AK5: variants seen among roughly 807,000 people sequenced by gnomAD.
The protein encoded by AK5 is adenylate kinase isoenzyme 5.
Under a neutral mutation model 69.5 loss-of-function variants are expected in AK5, and 27 were observed. The ratio of observed to expected loss-of-function variants is 0.39; its 90% CI spans 0.29 to 0.54. The LOEUF is 0.54. Among genes scored for constraint, AK5 ranks in the 20% least tolerant of loss-of-function variants. The pLI, the probability that AK5 is intolerant of heterozygous loss-of-function variation, is 0.71. For missense variants in AK5, 531 were observed against 700.4 expected (o/e 0.76, Z 2.73); for synonymous variants, 260 against 244.4 (o/e 1.06, Z -0.60).
chr1:77,550,107 G>A (rs556500318), intron 13 of AK5, among the ~76,000 whole-genome samples: 1 of 152,194 alleles, frequency 6.6e-6, no homozygotes, highest in South Asian at 2.1e-4. Context: ...CTACTGGCAT[G>A]TGCCTAGCTA....
rs1557615453 is a variant in AK5 at position 77,470,844 on chromosome 1, TATATATATATATATATATATA to T, written c.1060-12472_1060-12452del. Among the ~76,000 whole-genome samples the T allele has an allele frequency of 8.5e-3, 33 of 3,900 alleles. 2 individuals are homozygous for T. Among genetic ancestry groups the T allele is most frequent in the East Asian group, 0.083 (2 of 24 alleles). 2.6% of individuals were successfully genotyped at this position (3,900 alleles called of 152,430 possible). On this transcript the variant is annotated intron_variant, in intron 8 of 13. Coordinates refer to ENST00000354567, the MANE Select transcript of AK5 (RefSeq NM_174858.3). ...CATTTAGAATATATATATATATATA[TATATATATATATATATATATA>T]TATATATATATTTTTTTTTTTTTTT...
intron 5 of AK5, 129 bp downstream of exon 5, chr1:77,298,076 A>G (rs978593474): frequency 3.6e-5 from 21 of 590,216 alleles, no homozygotes; most frequent in African/African-American, 9.4e-5. Flanking sequence ...AGGCAAATAC[A>G]TCAGTATGGG....
intron 8 of AK5, among the ~76,000 whole-genome samples, chr1:77,473,246 G>A (rs1445687402): frequency 2.6e-5 from 4 of 151,188 alleles, no homozygotes; most frequent in African/African-American, 7.3e-5. Flanking sequence ...GTTTGAGACA[G>A]GGTCTCTGTT....
chr1:77,452,040 C>A (rs1204465066), intron 8 of AK5, among the ~76,000 whole-genome samples: 8 of 152,200 alleles, frequency 5.3e-5, no homozygotes. Flanking sequence ...TCTTTCGGTT[C>A]AGGGAAAATT....
At chr1:77,474,133 G>A (rs964753774) in intron 8 of AK5, among the ~76,000 whole-genome samples, 2 of 152,144 alleles carry the variant, frequency 1.3e-5, no homozygotes, top group Non-Finnish European at 2.9e-5. Context: ...ATCTTAACTA[G>A]CTTGGGCAAA....
chr1:77,423,041 T>C (rs943471572), intron 8 of AK5, among the ~76,000 whole-genome samples: 6 of 151,816 alleles, frequency 4.0e-5, no homozygotes, highest in African/African-American at 1.2e-4. Context: ...TGGTGAAACC[T>C]TGTCTCTACT....
intron 9 of AK5, among the ~76,000 whole-genome samples, chr1:77,485,737 T>C (rs1178728050): frequency 1.3e-5 from 2 of 152,232 alleles, no homozygotes; most frequent in Non-Finnish European, 2.9e-5. Context: ...TTCTTTGTGA[T>C]TCATGCTATT....
At chr1:77,403,454 A>G (rs1557564242) in intron 6 of AK5, among the ~76,000 whole-genome samples, 2 of 152,056 alleles carry the variant, frequency 1.3e-5, no homozygotes, top group Non-Finnish European at 2.9e-5. Context: ...TCTTTAATCC[A>G]TCTTGAATTA....
At chr1:77,313,490 G>A (rs920603249) in intron 5 of AK5, among the ~76,000 whole-genome samples, 5 of 152,050 alleles carry the variant, frequency 3.3e-5, no homozygotes, top group Non-Finnish European at 7.4e-5. Context: ...TTGGAGATTT[G>A]GCAGCTTTGA....
rs541313324 is a variant in AK5 at position 77,518,449 on chromosome 1, G to A, written c.1148-115G>A. ...CAGCTCCTGGTATAGCAAATCTCAA[G>A]TTCCCAATACATGCTTAGTGACTGG... On this transcript the variant is annotated intron_variant, in intron 10 of 13. Transcript: ENST00000354567. 8.2e-6 allele frequency: 9 copies of A among 1,102,956 alleles called. No individual in the cohort carries two copies. The East Asian group carries it at 2.3e-4, about 28-fold the overall frequency. 68.3% of individuals were successfully genotyped at this position (1,102,956 alleles called of 1,614,324 possible). A position where few individuals can be genotyped will look rare whatever the true frequency, so the allele number is the denominator to read the frequency against.
chr1:77,558,629 G>A lies in AK5; in HGVS notation c.1648G>A (p.Val550Ile). 6.2e-7 allele frequency: 1 copy of A among 1,600,356 alleles called. No homozygotes were observed. The highest frequency in any genetic ancestry group is 8.5e-7 in the Non-Finnish European group (1 of 1,169,760). Residue 550 changes from valine (V) to isoleucine (I), a missense_variant, in exon 14 of 14, where the codon GTT becomes ATT. Transcript: ENST00000354567. ...KINAEGTPED[V>I]FLQLCTAIDS... ...AAATGCAGAGGGAACACCAGAGGAC[G>A]TTTTTCTTCAACTCTGCACAGCTAT...
intron 2 of AK5, among the ~76,000 whole-genome samples, chr1:77,291,308 G>C (rs1380664969): frequency 6.6e-6 from 1 of 151,732 alleles, no homozygotes; most frequent in Non-Finnish European, 1.5e-5. Context: ...TTCAGATCTG[G>C]CCATCCATTT....
Position 77,404,664 on chromosome 1 carries a change from A to G in AK5, c.892-6317A>G, listed in dbSNP as rs75618253. On this transcript the variant is annotated intron_variant, in intron 6 of 13. Coordinates refer to ENST00000354567, the MANE Select transcript of AK5 (RefSeq NM_174858.3). ...GTTGTAGAAGTGAAATGTTGTAGAA[A>G]ATGAAATCTGACTTAATTCTGTGGT... Among the ~76,000 whole-genome samples, 228 of 152,266 alleles carry G rather than the reference A, an allele frequency of 1.5e-3. 1 individual carries two copies. The highest frequency in any genetic ancestry group is 5.1e-3 in the African/African-American group (212 of 41,520).
chr1:77,412,365 G>A (rs753094292), intron 7 of AK5, among the ~76,000 whole-genome samples: 4 of 152,128 alleles, frequency 2.6e-5, no homozygotes, highest in Non-Finnish European at 4.4e-5. Flanking sequence ...GTTTCCAGGT[G>A]TCTACTTTCT....
At chr1:77,552,026 G>A (rs953150855) in intron 13 of AK5, among the ~76,000 whole-genome samples, 6 of 151,950 alleles carry the variant, frequency 3.9e-5, no homozygotes, top group Admixed American at 1.3e-4. Flanking sequence ...GCACTTCCTC[G>A]TAAAACCCAG....
intron 6 of AK5, among the ~76,000 whole-genome samples, chr1:77,391,525 A>ATG (rs1553144178): frequency 0.12 from 14,471 of 121,328 alleles, 1,199 homozygotes; most frequent in Non-Finnish European, 0.17. Flanking sequence ...ATATATATAT[A>ATG]TATCTCCTCA....
In AK5 at chr1:77,500,685, G is replaced by A. The variant is rs1656663332; in HGVS notation, c.1147+14333G>A. 3.9e-5 allele frequency among the ~76,000 whole-genome samples: 6 copies of A among 152,124 alleles called. No homozygotes were observed. In the South Asian group the frequency reaches 1.2e-3, roughly 32 times the overall value. The stretch of plus-strand genomic sequence containing the variant: ...TAATCCCAGCTACTCGGGAGGCTGA[G>A]GCAGGAGAAACTCTTGAACCTAGGA... On this transcript the variant is annotated intron_variant, in intron 10 of 13. Coordinates refer to ENST00000354567, the MANE Select transcript of AK5 (RefSeq NM_174858.3).
At chr1:77,415,122 T>C (rs1223360498) in intron 7 of AK5, among the ~76,000 whole-genome samples, 1 of 152,206 alleles carries the variant, frequency 6.6e-6, no homozygotes, top group Admixed American at 6.5e-5. Flanking sequence ...AACATACATT[T>C]TATTAGGAAA....
chr1:77,456,661 G>A (rs1653504195), intron 8 of AK5, among the ~76,000 whole-genome samples: 1 of 152,132 alleles, frequency 6.6e-6, no homozygotes, highest in Admixed American at 6.5e-5. Flanking sequence ...CCCATCTTAG[G>A]AAACCTCTTC....
Sources: gnomAD v4.1 joint callset for allele counts (sites outside exome capture counted in the v4.1 genomes callset) on GRCh38, gnomAD v4.1.1 for gene constraint, MANE v1.5 for transcripts, NCBI Gene and HGNC (gene_info 2026-07-23, HGNC 2026-07-21) for gene names.